The following CDCA4 variants were observed in gnomAD, a reference collection of about 807,000 sequenced individuals.
CDCA4 encodes cell division cycle associated 4.
For synonymous variants in CDCA4, 130 were observed against 137.0 expected (o/e 0.95, Z 0.36); for missense variants, 294 against 322.1 (o/e 0.91, Z 0.67).
At position 105,010,850 on chromosome 14, in the gene CDCA4, G is replaced by A. The variant is rs138703543; in HGVS notation, c.*354C>T. ...TAAGACAAAATACTGCCCAAAACAT[G>A]TAAAACTGAATTGTAAAAATTCACC... On this transcript the variant is annotated 3_prime_UTR_variant, in exon 2 of 2. Transcript: ENST00000336219. The A allele has an allele frequency of 2.2e-3, 581 of 265,744 alleles. No homozygotes were observed. Among genetic ancestry groups the A allele is most frequent in the Non-Finnish European group, 3.3e-3 (463 of 141,260 alleles). 16.5% of individuals were successfully genotyped at this position (265,744 alleles called of 1,614,324 possible).
At chr14:105,015,897 T>C (rs748315863) in intron 1 of CDCA4, among the ~76,000 whole-genome samples, 9 of 152,164 alleles carry the variant, frequency 5.9e-5, no homozygotes, top group Non-Finnish European at 1.2e-4. Context: ...TGACCTCGGG[T>C]GATCCACTCA....
rs752577949 is a variant in CDCA4 at position 105,011,630 on chromosome 14, G to A, written c.300C>T (p.Ile100=). The change falls in exon 2 of 2, where the codon ATC becomes ATT. Residue 100 remains isoleucine, a synonymous_variant. Coordinates refer to ENST00000336219, the MANE Select transcript of CDCA4 (RefSeq NM_017955.4). ...APLDRLVSTE[I]LCRAAWGQEG... is the part of the protein sequence containing the mutation. ...CTTGCCCCCACGCTGCACGGCACAGGATCTCCGTGGAGACCAAGCGGTCGA... is the reference window on the plus strand; with the variant it reads ...CTTGCCCCCACGCTGCACGGCACAGAATCTCCGTGGAGACCAAGCGGTCGA... 2 of 1,613,792 alleles carry A rather than the reference G, an allele frequency of 1.2e-6. No homozygotes were observed. The highest frequency in any genetic ancestry group is 1.7e-6 in the Non-Finnish European group (2 of 1,180,020).
At position 105,011,746 on chromosome 14, in the gene CDCA4, T is replaced by G; in HGVS notation, c.184A>C (p.Ile62Leu). 1 of 1,613,728 alleles carries G rather than the reference T, an allele frequency of 6.2e-7. No individual in the cohort carries two copies. The highest frequency in any genetic ancestry group is 8.5e-7 in the Non-Finnish European group (1 of 1,180,040). ...VEPNLCRSVLIANTVRQIQEE... is the reference protein window; with the variant it reads ...VEPNLCRSVLLANTVRQIQEE... ...TGGATCTGCCGGACCGTGTTGGCAA[T>G]GAGGACTGAGCGGCACAGGTTGGGC... The change falls in exon 2 of 2, where the codon ATT (isoleucine) becomes CTT (leucine). Residue 62 changes from isoleucine (I) to leucine (L), a missense_variant. By Grantham distance (5) the Ile-to-Leu change is conservative. Transcript: ENST00000336219.
At chr14:105,020,162 T>G (rs143001820) in intron 1 of CDCA4, among the ~76,000 whole-genome samples, 37 of 152,352 alleles carry the variant, frequency 2.4e-4, no homozygotes, top group African/African-American at 8.9e-4. Context: ...TCACTTTGTA[T>G]TCTGGATTTC....
intron 1 of CDCA4, among the ~76,000 whole-genome samples, chr14:105,020,491 G>A (rs1175390160): frequency 6.6e-6 from 1 of 152,222 alleles, no homozygotes; most frequent in Non-Finnish European, 1.5e-5. Flanking sequence ...GTCCCACCTC[G>A]CACCGCCGGA....
At chr14:105,012,444 C>T (rs1162680776) in intron 1 of CDCA4, among the ~76,000 whole-genome samples, 5 of 152,210 alleles carry the variant, frequency 3.3e-5, no homozygotes, top group African/African-American at 9.6e-5. Flanking sequence ...GATCCTGCCT[C>T]GGACAAAGTC....
chr14:105,020,745 G>A (rs1886210378), intron 1 of CDCA4, among the ~76,000 whole-genome samples: 3 of 151,972 alleles, frequency 2.0e-5, no homozygotes, highest in Admixed American at 2.0e-4. Flanking sequence ...GCTCCGCAAG[G>A]AACGCAGACG....
chr14:105,020,486 A>G (rs1251901768), intron 1 of CDCA4, among the ~76,000 whole-genome samples: 1 of 152,176 alleles, frequency 6.6e-6, no homozygotes, highest in African/African-American at 2.4e-5. Flanking sequence ...CCCTAGTCCC[A>G]CCTCGCACCG....
chr14:105,011,378 C>G lies in CDCA4; in HGVS notation c.552G>C (p.Val184=), dbSNP rs1900496589. The change falls in exon 2 of 2, where the codon GTG becomes GTC. Residue 184 remains valine (V), a synonymous_variant. Transcript: ENST00000336219. The part of the protein sequence containing the change: ...PSCMEELFSD[V]DSPYYDLDTV... ...TGTCCAGGTCGTAGTAGGGGCTGTC[C>G]ACGTCTGAGAACAGCTCTTCCATGC... 1 of 1,614,106 alleles carries G rather than the reference C, an allele frequency of 6.2e-7. No homozygotes were observed. The highest frequency in any genetic ancestry group is 1.3e-5 in the African/African-American group (1 of 74,940).
rs143789522 is a variant in CDCA4 at position 105,011,708 on chromosome 14, C to T, written c.222G>A (p.Thr74=). 2.1e-5 allele frequency: 34 copies of T among 1,613,518 alleles called. No individual in the cohort carries two copies. Among genetic ancestry groups the T allele is most frequent in the Non-Finnish European group, 2.8e-5 (33 of 1,179,972 alleles). ...NTVRQIQEEM[T]QDGTWRTVAP... ...CCACTGTGCGCCACGTCCCATCCTG[C>T]GTCATCTCCTCTTGGATCTGCCGGA... The change falls in exon 2 of 2, where the codon ACG becomes ACA. Residue 74 remains threonine (T), a synonymous_variant. Coordinates refer to ENST00000336219, the MANE Select transcript of CDCA4 (RefSeq NM_017955.4).
chr14:105,012,286 CT>C (rs1454436559), intron 1 of CDCA4, among the ~76,000 whole-genome samples: 2 of 152,244 alleles, frequency 1.3e-5, no homozygotes, highest in Non-Finnish European at 2.9e-5. Flanking sequence ...GGCTGAAAAT[CT>C]GTTTCAAAAA....
chr14:105,015,432 C>A (rs547439201), intron 1 of CDCA4, among the ~76,000 whole-genome samples: 1 of 152,276 alleles, frequency 6.6e-6, no homozygotes, highest in African/African-American at 2.4e-5. Context: ...CGCCATCAGT[C>A]GGAAACCAGC....
At chr14:105,012,117 A>ACC (rs1255204756) in intron 1 of CDCA4, among the ~76,000 whole-genome samples, 182 bp from the exon 2 acceptor site, 6 of 151,878 alleles carry the variant, frequency 4.0e-5, no homozygotes, top group African/African-American at 1.5e-4. Flanking sequence ...GGAGACCCCC[A>ACC]CCCCCAGATC....
intron 1 of CDCA4, among the ~76,000 whole-genome samples, chr14:105,020,507 C>G (rs1886200739): frequency 6.6e-6 from 1 of 152,234 alleles, no homozygotes; most frequent in African/African-American, 2.4e-5. Flanking sequence ...CCGGAGGAGC[C>G]CAGGGAAGAC....
Position 105,011,830 on chromosome 14 carries a change from G to C in CDCA4, c.100C>G (p.Arg34Gly), listed in dbSNP as rs747426142. 6.2e-7 allele frequency: 1 copy of C among 1,613,816 alleles called. No individual in the cohort carries two copies. The highest frequency in any genetic ancestry group is 8.5e-7 in the Non-Finnish European group (1 of 1,180,042). ...AGAGACATGTCCAGGAGCGACTGCC[G>C]CTGCAGGCTGTATGAGGACACTGTC... ...LKTVSSYSLQ[R>G]QSLLDMSLVK... Residue 34 changes from arginine (R) to glycine (G), a missense_variant, in exon 2 of 2, where the codon CGG becomes GGG. Physicochemically the swap from Arg to Gly is moderately radical, Grantham distance 125. Transcript: ENST00000336219.
At chr14:105,018,515 G>A (rs1886142804) in intron 1 of CDCA4, among the ~76,000 whole-genome samples, 2 of 152,186 alleles carry the variant, frequency 1.3e-5, no homozygotes, top group South Asian at 2.1e-4. Context: ...GCCCGGAGAA[G>A]CTGGCCTGTG....
Position 105,012,196 on chromosome 14 carries a change from G to A in CDCA4, c.-6-261C>T, listed in dbSNP as rs550518896. On this transcript the variant is annotated intron_variant, in intron 1 of 1. Coordinates refer to ENST00000336219, the MANE Select transcript of CDCA4 (RefSeq NM_017955.4). ...ACGACAAACCTCTCAACTGTACCAC[G>A]ACAGTGTTTTATAGCAAAAAAGATA... 1.1e-4 allele frequency among the ~76,000 whole-genome samples: 16 copies of A among 152,346 alleles called. No individual in the cohort carries two copies. The South Asian group carries it at 3.1e-3, about 30-fold the overall frequency.
At position 105,011,178 on chromosome 14, in the gene CDCA4, C is replaced by T. The variant is rs182286629; in HGVS notation, c.*26G>A. 847 of 1,578,460 alleles carry T rather than the reference C, an allele frequency of 5.4e-4. 7 individuals are homozygous for T. In the African/African-American group the frequency reaches 0.01, roughly 19 times the overall value. ...TGCTCACGTGTCAATGCGTCAGAGG[C>T]GGCTGTGAGCACTCAGGGCTCCTGC... On this transcript the variant is annotated 3_prime_UTR_variant, in exon 2 of 2. Coordinates refer to ENST00000336219, the MANE Select transcript of CDCA4 (RefSeq NM_017955.4).
rs747426142 is a variant in CDCA4 at position 105,011,830 on chromosome 14, G to A, written c.100C>T (p.Arg34Trp). Residue 34 changes from arginine (R) to tryptophan (W), a missense_variant, in exon 2 of 2, where the codon CGG becomes TGG. Transcript: ENST00000336219. The stretch of plus-strand genomic sequence containing the variant: ...AGAGACATGTCCAGGAGCGACTGCC[G>A]CTGCAGGCTGTATGAGGACACTGTC... ...LKTVSSYSLQ[R>W]QSLLDMSLVK... The A allele has an allele frequency of 1.9e-5, 31 of 1,613,698 alleles. No homozygotes were observed. Among genetic ancestry groups the A allele is most frequent in the African/African-American group, 2.7e-5 (2 of 74,898 alleles).
Sources: gnomAD v4.1 joint callset for allele counts (sites outside exome capture counted in the v4.1 genomes callset) on GRCh38, gnomAD v4.1.1 for gene constraint, MANE v1.5 for transcripts, NCBI Gene and HGNC (gene_info 2026-07-23, HGNC 2026-07-21) for gene names.